The following STAG3 variants were observed in gnomAD, a reference collection of about 807,000 sequenced individuals.
The protein encoded by STAG3 is cohesin subunit SA-3.
Under a neutral mutation model 160.7 loss-of-function variants are expected in STAG3, and 101 were observed. The ratio of observed to expected loss-of-function variants is 0.63; its 90% confidence interval spans 0.54 to 0.74. STAG3 has a LOEUF of 0.74. STAG3 is among the 30% of genes least tolerant of loss of function. The pLI, the probability that STAG3 is intolerant of heterozygous loss-of-function variation, is 0.00. For missense variants in STAG3, 1,188 were observed against 1,517.4 expected (o/e 0.78, Z 3.61); for synonymous variants, 519 against 585.0 (o/e 0.89, Z 1.63).
At chr7:100,206,879 A>G (rs1379723062) in intron 29 of STAG3, among the ~76,000 whole-genome samples, 1 of 152,214 alleles carries the variant, frequency 6.6e-6, no homozygotes, top group Admixed American at 6.5e-5. Flanking sequence ...CCACATACCC[A>G]TTCGCAGTCT....
chr7:100,184,770 A>G (rs1193616122), intron 4 of STAG3, among the ~76,000 whole-genome samples: 3 of 151,232 alleles, frequency 2.0e-5, no homozygotes, highest in African/African-American at 7.3e-5. Context: ...CTGGCCTTTT[A>G]TTTCTTTTTT....
rs1801236426 is a variant in STAG3 at position 100,202,517 on chromosome 7, G to A, written c.2627G>A (p.Gly876Glu). ...CACCAGCGGCGCCGCCTCCTAGCCG[G>A]GTTCTGCAAGCTGTTGCTTTATGGG... ...RLHQRRRLLA[G>E]FCKLLLYGVL... The change falls in exon 25 of 34, where the codon GGG becomes GAG. Residue 876 changes from glycine (G) to glutamate (E), a missense_variant. Around this residue, in one of 4 missense-constraint regions of STAG3, gnomAD observed 647 missense variants for 717.2 expected, o/e 0.90. Transcript: ENST00000615138. 2.5e-6 allele frequency: 4 copies of A among 1,614,034 alleles called. No homozygotes were observed. The highest frequency in any genetic ancestry group is 1.7e-5 in the Admixed American group (1 of 59,996).
At chr7:100,218,049 C>G (rs542000036), downstream of STAG3, among the ~76,000 whole-genome samples, 1 of 150,180 alleles carries the variant, frequency 6.7e-6, no homozygotes, top group East Asian at 2.1e-4. Flanking sequence ...TGCTAAGTAA[C>G]AGTTATCTTC....
rs1236036702 is a variant in STAG3 at position 100,207,328 on chromosome 7, T to C, written c.3238+1944T>C. ...CCAAAGTACCTACACCAGTTTACAA[T>C]CCTACCAGCAATGTATGGGGACTCT... On this transcript the variant is annotated intron_variant, in intron 29 of 33. Coordinates refer to ENST00000615138, the MANE Select transcript of STAG3 (RefSeq NM_001282717.2). The surrounding 1 kb of genome is among the most constrained non-coding windows in gnomAD (Gnocchi z 4.0). Among the ~76,000 whole-genome samples the C allele has an allele frequency of 1.3e-5, 2 of 152,214 alleles. No individual in the cohort carries two copies. The highest frequency in any genetic ancestry group is 4.8e-5 in the African/African-American group (2 of 41,454).
intron 32 of STAG3, chr7:100,213,379 T>TAGAACAGAAC (rs1297108024): frequency 1.0e-6 from 1 of 984,648 alleles, no homozygotes; most frequent in Non-Finnish European, 1.2e-6. Flanking sequence ...AAGAACAGAA[T>TAGAACAGAAC]AGAACAGAAC....
chr7:100,182,281 C>CCCAGGGGGCAGAGCTTGCAGTGAG (rs1282969037), intron 3 of STAG3, 89 bp downstream of exon 3: 4 of 943,054 alleles, frequency 4.2e-6, no homozygotes, highest in Non-Finnish European at 6.6e-6. Flanking sequence ...ATGGCGTGAA[C>CCCAGGGGGCAGAGCTTGCAGTGAG]CCAGGGGGCA....
At chr7:100,190,816 C>T (rs151268547) in intron 8 of STAG3, among the ~76,000 whole-genome samples, 4 of 152,150 alleles carry the variant, frequency 2.6e-5, no homozygotes, top group Non-Finnish European at 4.4e-5. Context: ...TTCTTTGAAA[C>T]TGTTCTTTCT....
In STAG3 at chr7:100,189,505, A is replaced by G; in HGVS notation, c.776A>G (p.Asn259Ser). The change falls in exon 8 of 34, where the codon AAC becomes AGC. Residue 259 changes from asparagine to serine, a missense_variant. Asn to Ser is a conservative substitution (Grantham distance 46). Coordinates refer to ENST00000615138, the MANE Select transcript of STAG3 (RefSeq NM_001282717.2). ...VALQLSVHQD[N>S]NQRQYEAERN... Reference sequence around the variant, plus strand: ...CTCCAACTGAGTGTGCACCAAGATAACAATCAGCGTCAGTATGAGGCTGAA... The same window carrying G: ...CTCCAACTGAGTGTGCACCAAGATAGCAATCAGCGTCAGTATGAGGCTGAA... 6.2e-7 allele frequency: 1 copy of G among 1,614,162 alleles called. No individual in the cohort carries two copies. Among genetic ancestry groups the G allele is most frequent in the Non-Finnish European group, 8.5e-7 (1 of 1,180,020 alleles).
chr7:100,204,234 C>T (rs974910055), intron 26 of STAG3, 112 bp downstream of exon 26: 9 of 800,854 alleles, frequency 1.1e-5, no homozygotes, highest in African/African-American at 1.7e-5. Context: ...CTTGTTTTGA[C>T]TCTTAACTTT....
chr7:100,209,201 A>C (rs985188490), intron 29 of STAG3, among the ~76,000 whole-genome samples: 1 of 152,240 alleles, frequency 6.6e-6, no homozygotes, highest in African/African-American at 2.4e-5. Flanking sequence ...GTTACACACA[A>C]CACTTTCACT....
chr7:100,181,167 G>C (rs866984731), intron 2 of STAG3, among the ~76,000 whole-genome samples: 14 of 151,944 alleles, frequency 9.2e-5, no homozygotes, highest in South Asian at 4.2e-4. Context: ...TTCTACTTGG[G>C]GATTTTGTAA....
chr7:100,218,283 A>G (rs1044347865), downstream of STAG3: 1 of 120,128 alleles, frequency 8.3e-6, no homozygotes, highest in African/African-American at 3.4e-5. Context: ...AGATTATTAT[A>G]ATATTGGAAT....
chr7:100,200,502 GCTTTGACCTCCACAT>G lies in STAG3; in HGVS notation c.1823_1837del (p.Phe608_Ile612del). ...ACTCCCCTGCTCCAGCTTCTCAGCT[GCTTTGACCTCCACAT>G]CTACTGCACTGGGCGCTTGGAGAAG... On this transcript the variant is annotated inframe_deletion, in exon 18 of 34. Transcript: ENST00000615138. 1 of 1,614,122 alleles carries G rather than the reference GCTTTGACCTCCACAT, an allele frequency of 6.2e-7. No individual in the cohort carries two copies. The highest frequency in any genetic ancestry group is 1.7e-4 in the Middle Eastern group (1 of 6,016).
In STAG3 at chr7:100,205,057, C is replaced by A; in HGVS notation, c.3004C>A (p.Gln1002Lys). The stretch of plus-strand genomic sequence containing the variant: ...GCTTCCTCCAGCTGGCTCCTCCAAT[C>A]AGCCTCCAAATCTGGCATTCCTGGA... ...SELPPAGSSN[Q>K]PPNLAFLELL... Residue 1002 changes from glutamine (Q) to lysine (K), a missense_variant, in exon 28 of 34, where the codon CAG becomes AAG. This residue lies in a region of STAG3 where 647 missense variants were observed against 717.2 expected (regional missense o/e 0.90). Coordinates refer to ENST00000615138, the MANE Select transcript of STAG3 (RefSeq NM_001282717.2). 6.2e-7 allele frequency: 1 copy of A among 1,614,208 alleles called. No homozygotes were observed. The highest frequency in any genetic ancestry group is 8.5e-7 in the Non-Finnish European group (1 of 1,180,038).
At chr7:100,198,646 G>A (rs1332786743) in intron 13 of STAG3, 64 bp downstream of exon 13, 6 of 1,496,662 alleles carry the variant, frequency 4.0e-6, no homozygotes, top group Non-Finnish European at 5.6e-6. Context: ...TCCATCTGCT[G>A]CTGCCCTACC....
chr7:100,211,255 TTC>T (rs1563007523), intron 30 of STAG3, 70 bp downstream of exon 30: 2 of 1,523,142 alleles, frequency 1.3e-6, no homozygotes, highest in Non-Finnish European at 1.8e-6. Flanking sequence ...ATCTTGCTGT[TTC>T]TGTTTCATGG....
At chr7:100,183,991 C>T (rs951128655) in intron 4 of STAG3, among the ~76,000 whole-genome samples, 2 of 152,120 alleles carry the variant, frequency 1.3e-5, no homozygotes, top group African/African-American at 4.8e-5. Context: ...AGGGGCCGGG[C>T]ACAGTGGCTC....
Position 100,202,610 on chromosome 7 carries a change from A to C in STAG3, c.2700+20A>C. 1 of 1,604,782 alleles carries C rather than the reference A, an allele frequency of 6.2e-7. No individual in the cohort carries two copies. Among genetic ancestry groups the C allele is most frequent in the South Asian group, 1.1e-5 (1 of 90,858 alleles). On this transcript the variant is annotated intron_variant, in intron 25 of 33. Transcript: ENST00000615138. ...AACAAGGTACACCAAGGCCCTACAG[A>C]AATAAAAGAGAAGGGAGCAAGTTGA...
chr7:100,180,499 C>T lies in STAG3; in HGVS notation c.-58C>T, dbSNP rs895733065. The T allele has an allele frequency of 8.7e-5, 85 of 982,416 alleles. No individual in the cohort carries two copies. Among genetic ancestry groups the T allele is most frequent in the Non-Finnish European group, 1.2e-4 (74 of 606,634 alleles). 60.9% of individuals were successfully genotyped at this position (982,416 alleles called of 1,614,324 possible). On this transcript the variant is annotated 5_prime_UTR_variant, in exon 2 of 34. Coordinates refer to ENST00000615138, the MANE Select transcript of STAG3 (RefSeq NM_001282717.2). ...TCTTCTCTTTCTTCCCCAGCTGGAT[C>T]GCCATACCTACCCTGTGGTCCTCAT...
Sources: allele counts gnomAD v4.1 joint callset (sites outside exome capture counted in the v4.1 genomes callset), GRCh38; gene constraint gnomAD v4.1.1; regional missense constraint gnomAD v4.1.1; non-coding constraint Gnocchi (gnomAD v3.1); transcripts MANE v1.5; gene names NCBI Gene and HGNC (gene_info 2026-07-23, HGNC 2026-07-21).